The following CNTN5 variants were observed in gnomAD, a reference collection of about 807,000 sequenced individuals.
CNTN5 encodes contactin-5.
CNTN5 carries 77 observed loss-of-function variants against 129.1 expected under a neutral mutation model. The observed-to-expected ratio is 0.60, with a 90% CI of 0.50 to 0.72. CNTN5 has a LOEUF of 0.72. CNTN5 is among the 30% of genes least tolerant of loss of function. The probability of loss-of-function intolerance (pLI) is 0.00; values close to 1 mark genes in which losing one functional copy is unlikely to be tolerated. For missense variants in CNTN5, 1,478 were observed against 1,328.8 expected (o/e 1.11, Z -1.75); for synonymous variants, 509 against 465.6 (o/e 1.09, Z -1.20).
chr11:100,259,020 G>C (rs1221704479), intron 17 of CNTN5, among the ~76,000 whole-genome samples: 1 of 152,080 alleles, frequency 6.6e-6, no homozygotes, highest in Non-Finnish European at 1.5e-5. Context: ...AAAGAGTCAA[G>C]ACCCATCAGT....
chr11:99,760,637 T>TA (rs1944547226), intron 3 of CNTN5, among the ~76,000 whole-genome samples: 1 of 152,164 alleles, frequency 6.6e-6, no homozygotes, highest in Non-Finnish European at 1.5e-5. Context: ...TGCTGCCTAA[T>TA]AAAATTCCAA....
At chr11:99,579,033 T>A (rs1252304003) in intron 3 of CNTN5, among the ~76,000 whole-genome samples, 5 of 152,040 alleles carry the variant, frequency 3.3e-5, no homozygotes, top group Admixed American at 6.5e-5. Context: ...GGATCCAGTT[T>A]CAGCTTTCTA....
At chr11:100,230,157 T>C (rs1949459339) in intron 16 of CNTN5, among the ~76,000 whole-genome samples, 1 of 152,208 alleles carries the variant, frequency 6.6e-6, no homozygotes, top group African/African-American at 2.4e-5. Flanking sequence ...ATAATTATTT[T>C]TCAATATTTT....
chr11:99,315,032 C>T (rs1591510996), intron 1 of CNTN5, among the ~76,000 whole-genome samples: 1 of 148,388 alleles, frequency 6.7e-6, no homozygotes, highest in East Asian at 2.0e-4. Flanking sequence ...GTTCTTCAGA[C>T]CAAACTTTAA....
intron 2 of CNTN5, among the ~76,000 whole-genome samples, chr11:99,463,981 C>A (rs1466373679): frequency 6.6e-6 from 1 of 152,016 alleles, no homozygotes; most frequent in Non-Finnish European, 1.5e-5. Flanking sequence ...AAAACTATAC[C>A]CTATACTGCA....
intron 17 of CNTN5, among the ~76,000 whole-genome samples, chr11:100,259,769 T>C (rs889391668): frequency 1.3e-5 from 2 of 151,438 alleles, no homozygotes; most frequent in Non-Finnish European, 2.9e-5. Context: ...GACAACATAC[T>C]AGAACCTCTG....
intron 1 of CNTN5, among the ~76,000 whole-genome samples, chr11:99,076,430 T>G (rs972619883): frequency 6.6e-6 from 1 of 151,932 alleles, no homozygotes; most frequent in Non-Finnish European, 1.5e-5. Context: ...CCCAAATATA[T>G]AGAAACATGA....
Position 99,303,109 on chromosome 11 carries a change from GT to G in CNTN5, c.-209-22233del, listed in dbSNP as rs532717380. Among the ~76,000 whole-genome samples, 44 of 151,664 alleles carry G rather than the reference GT, an allele frequency of 2.9e-4. 2 individuals are homozygous for G. The South Asian group carries it at 8.9e-3, about 31-fold the overall frequency. On this transcript the variant is annotated intron_variant, in intron 1 of 24. Coordinates refer to ENST00000524871, the MANE Select transcript of CNTN5 (RefSeq NM_014361.4). Reference sequence around the variant, plus strand: ...TTTTTGCAGTGACATGAACCATAAAGTTTTATGCATCCAGTGCATGTGTATT... The same window carrying G: ...TTTTTGCAGTGACATGAACCATAAAGTTTATGCATCCAGTGCATGTGTATT...
intron 6 of CNTN5, among the ~76,000 whole-genome samples, chr11:99,863,214 A>G (rs1226278460): frequency 1.3e-5 from 2 of 152,142 alleles, no homozygotes; most frequent in Non-Finnish European, 2.9e-5. Flanking sequence ...CTGGAGCCCA[A>G]TATAATGAAA....
At chr11:99,408,116 G>A (rs1490354240) in intron 2 of CNTN5, among the ~76,000 whole-genome samples, 6 of 152,048 alleles carry the variant, frequency 3.9e-5, no homozygotes, top group Admixed American at 2.0e-4. Context: ...CAGGTGGGGA[G>A]CAATATTTGT....
At chr11:99,579,941 C>A (rs1480727478) in intron 3 of CNTN5, among the ~76,000 whole-genome samples, 4 of 150,512 alleles carry the variant, frequency 2.7e-5, no homozygotes, top group Non-Finnish European at 5.9e-5. Flanking sequence ...AGTTTTTGCC[C>A]ATTCAGTATG....
intron 3 of CNTN5, among the ~76,000 whole-genome samples, chr11:99,711,659 G>A (rs1245649862): frequency 1.3e-5 from 2 of 151,854 alleles, no homozygotes; most frequent in African/African-American, 4.8e-5. Context: ...AGGTGCTGGT[G>A]TGTGATGTCC....
At chr11:99,198,729 T>C (rs984388851) in intron 1 of CNTN5, among the ~76,000 whole-genome samples, 1 of 152,164 alleles carries the variant, frequency 6.6e-6, no homozygotes, top group Non-Finnish European at 1.5e-5. Context: ...TTGTAACTAA[T>C]TTTACCCTAG....
chr11:99,908,622 T>C (rs10501933), intron 6 of CNTN5, among the ~76,000 whole-genome samples: 18,440 of 152,040 alleles, frequency 0.12, 1,426 homozygotes, highest in East Asian at 0.35. Flanking sequence ...GTTCATAGAC[T>C]ATATTCACAT....
At chr11:99,252,903 G>T (rs1440950344) in intron 1 of CNTN5, among the ~76,000 whole-genome samples, 1 of 149,584 alleles carries the variant, frequency 6.7e-6, no homozygotes, top group Non-Finnish European at 1.5e-5. Context: ...TACATTTTGT[G>T]TCTTCTTCAT....
intron 13 of CNTN5, among the ~76,000 whole-genome samples, chr11:100,129,157 A>G (rs1375761292): frequency 6.6e-6 from 1 of 152,176 alleles, no homozygotes; most frequent in Non-Finnish European, 1.5e-5. Flanking sequence ...ACATAATTAA[A>G]TAAATGAATG....
chr11:99,894,442 G>A (rs1478588932), intron 6 of CNTN5, among the ~76,000 whole-genome samples: 1 of 131,088 alleles, frequency 7.6e-6, no homozygotes, highest in African/African-American at 2.8e-5. Flanking sequence ...AGCTATTTTT[G>A]TTTACCACCT....
chr11:99,960,714 A>G (rs1183748717), intron 8 of CNTN5, among the ~76,000 whole-genome samples: 7 of 152,210 alleles, frequency 4.6e-5, no homozygotes, highest in Admixed American at 6.5e-5. Flanking sequence ...AGAAAGGAAC[A>G]TGAGTCACTA....
intron 2 of CNTN5, among the ~76,000 whole-genome samples, chr11:99,495,862 C>T (rs572216553): frequency 6.6e-6 from 1 of 151,954 alleles, no homozygotes; most frequent in Non-Finnish European, 1.5e-5. Context: ...AAGATAAAAC[C>T]AATATAATAT....
Sources: gnomAD v4.1 joint callset for allele counts (sites outside exome capture counted in the v4.1 genomes callset) on GRCh38, gnomAD v4.1.1 for gene constraint, MANE v1.5 for transcripts, NCBI Gene and HGNC (gene_info 2026-07-23, HGNC 2026-07-21) for gene names.